The following JARID2 variants were observed in gnomAD, a reference collection of about 807,000 sequenced individuals.
JARID2 encodes jumonji and AT-rich interaction domain containing 2.
In JARID2, 21 loss-of-function variants were observed where a neutral mutation model predicts 125.6. The ratio of observed to expected loss-of-function variants is 0.17; its 90% CI spans 0.12 to 0.24. JARID2 has a LOEUF of 0.24. Ranked by LOEUF, JARID2 falls within the 10% of genes least tolerant of loss-of-function variation. The probability of loss-of-function intolerance (pLI) is 1.00; values close to 1 mark genes in which losing one functional copy is unlikely to be tolerated. For missense variants in JARID2, 1,303 were observed against 1,639.6 expected (o/e 0.79, Z 3.55); for synonymous variants, 736 against 661.6 (o/e 1.11, Z -1.73).
At chr6:15,247,546 A>C (rs1237342587) in intron 1 of JARID2, 1 of 896,216 alleles carries the variant, frequency 1.1e-6, no homozygotes, top group Non-Finnish European at 1.3e-6. Context: ...TTTTTTTTTC[A>C]AAAAAGGCCA....
chr6:15,404,193 A>G (rs948294276), intron 2 of JARID2, among the ~76,000 whole-genome samples: 1 of 152,130 alleles, frequency 6.6e-6, no homozygotes, highest in Non-Finnish European at 1.5e-5. Context: ...TGTGCTCTGC[A>G]GACCCTGTGC....
At chr6:15,468,837 G>C (rs890927417) in intron 5 of JARID2, 119 bp downstream of exon 5, 3 of 932,070 alleles carry the variant, frequency 3.2e-6, no homozygotes, top group Non-Finnish European at 4.8e-6. Flanking sequence ...TACTTCTCCA[G>C]GGCCAGACAC....
At chr6:15,305,144 G>C (rs1210436172) in intron 1 of JARID2, among the ~76,000 whole-genome samples, 1 of 152,158 alleles carries the variant, frequency 6.6e-6, no homozygotes, top group Non-Finnish European at 1.5e-5. Flanking sequence ...TGAGGAAGTT[G>C]TCAAAGGCCT....
intron 2 of JARID2, among the ~76,000 whole-genome samples, chr6:15,392,039 G>GGTGTGTGTGTGTGTGTGTGTGTGT (rs55811028): frequency 2.0e-4 from 25 of 122,812 alleles, no homozygotes; most frequent in Admixed American, 7.0e-4. Context: ...ATCCCAGAGT[G>GGTGTGTGTGTGTGTGTGTGTGTGT]GTGTGTGTGT....
intron 1 of JARID2, among the ~76,000 whole-genome samples, chr6:15,249,169 T>G (rs1759336673): frequency 6.6e-6 from 1 of 152,222 alleles, no homozygotes; most frequent in Non-Finnish European, 1.5e-5. Flanking sequence ...AATGAAAGTA[T>G]TCAGGGAAAG....
At chr6:15,383,918 C>T (rs1764685917) in intron 2 of JARID2, among the ~76,000 whole-genome samples, 1 of 152,218 alleles carries the variant, frequency 6.6e-6, no homozygotes, top group African/African-American at 2.4e-5. Context: ...CCTCAGCCTC[C>T]TGAGTAGCTG....
intron 1 of JARID2, among the ~76,000 whole-genome samples, chr6:15,371,408 G>A (rs13194410): frequency 0.086 from 13,048 of 152,280 alleles, 725 homozygotes; most frequent in Middle Eastern, 0.15. Flanking sequence ...GATTCGAACA[G>A]TGAGAATAGG....
intron 1 of JARID2, among the ~76,000 whole-genome samples, chr6:15,349,729 G>T (rs1215311987): frequency 6.6e-6 from 1 of 152,136 alleles, no homozygotes; most frequent in East Asian, 1.9e-4. Flanking sequence ...CGCTAGTGCT[G>T]CATTCTATCA....
At chr6:15,434,786 T>G (rs1767132214) in intron 3 of JARID2, among the ~76,000 whole-genome samples, 2 of 152,290 alleles carry the variant, frequency 1.3e-5, no homozygotes, top group Middle Eastern at 6.8e-3. Context: ...TTCTCAGCTT[T>G]CCGTATCTTG....
intron 1 of JARID2, among the ~76,000 whole-genome samples, chr6:15,373,843 T>G (rs1370234033): frequency 1.3e-5 from 2 of 152,188 alleles, no homozygotes; most frequent in Non-Finnish European, 2.9e-5. Context: ...CTATTACTAG[T>G]TGATGAACGT....
intron 6 of JARID2, among the ~76,000 whole-genome samples, chr6:15,490,025 C>G (rs1293310929): frequency 6.6e-6 from 1 of 152,178 alleles, no homozygotes; most frequent in Non-Finnish European, 1.5e-5. Context: ...TCCTTTGGAG[C>G]CAGTCTGGCC....
intron 1 of JARID2, among the ~76,000 whole-genome samples, chr6:15,262,545 T>A (rs1020755443): frequency 1.3e-5 from 2 of 150,318 alleles, no homozygotes; most frequent in African/African-American, 4.9e-5. Context: ...TTTTTTTTTT[T>A]TTTTTTTGAG....
At chr6:15,456,703 G>A (rs1384691896) in intron 4 of JARID2, among the ~76,000 whole-genome samples, 3 of 151,836 alleles carry the variant, frequency 2.0e-5, no homozygotes. Context: ...GGATTTGGTG[G>A]CCTTAGATAG....
chr6:15,469,368 TTCTCCCCC>T (rs1375027045), intron 5 of JARID2, among the ~76,000 whole-genome samples: 2 of 3,168 alleles, frequency 6.3e-4, no homozygotes, highest in Non-Finnish European at 1.2e-3. Context: ...TCTCCTCCCC[TTCTCCCCC>T]TCTCCCCCTC....
chr6:15,282,880 C>A (rs903663555), intron 1 of JARID2, among the ~76,000 whole-genome samples: 1 of 151,010 alleles, frequency 6.6e-6, no homozygotes, highest in South Asian at 2.1e-4. Flanking sequence ...GGATTACAGG[C>A]GTGAGCCACC....
intron 1 of JARID2, among the ~76,000 whole-genome samples, chr6:15,301,622 C>CTTAAAAGTAGT (rs1451072954): frequency 1.3e-5 from 2 of 152,156 alleles, no homozygotes; most frequent in Non-Finnish European, 2.9e-5. Flanking sequence ...TCTGTAAGTC[C>CTTAAAAGTAGT]TTAAAAGTAG....
At chr6:15,289,848 A>G (rs1420319799) in intron 1 of JARID2, among the ~76,000 whole-genome samples, 1 of 152,202 alleles carries the variant, frequency 6.6e-6, no homozygotes, top group Non-Finnish European at 1.5e-5. Flanking sequence ...TCTGTCTCAA[A>G]AAAACAAAAA....
Position 15,497,134 on chromosome 6 carries a change from T to A in JARID2, c.1909T>A (p.Ser637Thr), listed in dbSNP as rs959156268. Residue 637 changes from serine to threonine, a missense_variant, in exon 7 of 18, where the codon TCT becomes ACT. Transcript: ENST00000341776. ...RLACIKKHLK[S>T]QGITMDELPL... Reference sequence around the variant, plus strand: ...GGCCTGCATCAAGAAGCACCTCAAATCTCAGGGCATCACCATGGACGAGCT... The same window carrying A: ...GGCCTGCATCAAGAAGCACCTCAAAACTCAGGGCATCACCATGGACGAGCT... The A allele has an allele frequency of 3.2e-6, 5 of 1,557,054 alleles. No homozygotes were observed. The highest frequency in any genetic ancestry group is 4.3e-6 in the Non-Finnish European group (5 of 1,150,710).
intron 2 of JARID2, among the ~76,000 whole-genome samples, chr6:15,400,187 G>A (rs879500548): frequency 6.6e-6 from 1 of 152,070 alleles, no homozygotes; most frequent in Non-Finnish European, 1.5e-5. Context: ...AGGGGCCTGC[G>A]CAGGGCAGGG....
Sources: gnomAD v4.1 joint callset for allele counts (sites outside exome capture counted in the v4.1 genomes callset) on GRCh38, gnomAD v4.1.1 for gene constraint, MANE v1.5 for transcripts, NCBI Gene and HGNC (gene_info 2026-07-23, HGNC 2026-07-21) for gene names.